The following RBFOX1 variants were observed in gnomAD, a reference collection of about 807,000 sequenced individuals.
RBFOX1 encodes the protein RNA binding fox-1 homolog 1.
Under a neutral mutation model 57.7 loss-of-function variants are expected in RBFOX1, and 8 were observed. The observed-to-expected ratio is 0.14, with a 90% confidence interval of 0.08 to 0.25. The LOEUF (loss-of-function observed/expected upper bound fraction) is 0.25, where lower values mean the gene tolerates loss of function less well. RBFOX1 is among the 10% of genes least tolerant of loss of function. The pLI is 1.00. For synonymous variants in RBFOX1, 326 were observed against 222.4 expected, an observed-to-expected ratio of 1.47 and a Z score of -4.15; for missense variants, 611 against 548.5, an observed-to-expected ratio of 1.11 and a Z score of -1.14.
chr16:6,768,781 T>C (rs1246673573), intron 3 of RBFOX1, among the ~76,000 whole-genome samples: 1 of 150,506 alleles, frequency 6.6e-6, no homozygotes, highest in Non-Finnish European at 1.5e-5. Flanking sequence ...CAGGTTGGAG[T>C]GCAATGGGGC....
chr16:5,690,843 G>A (rs1484235195), intron 3 of RBFOX1, among the ~76,000 whole-genome samples: 1 of 152,120 alleles, frequency 6.6e-6, no homozygotes, highest in Non-Finnish European at 1.5e-5. Flanking sequence ...TACTTCCATT[G>A]TTTTTACATG....
intron 2 of RBFOX1, among the ~76,000 whole-genome samples, chr16:5,546,097 A>G (rs1242732030): frequency 6.6e-6 from 1 of 152,196 alleles, no homozygotes; most frequent in African/African-American, 2.4e-5. Context: ...AATAAGGAAT[A>G]CATAGGGATA....
intron 4 of RBFOX1, among the ~76,000 whole-genome samples, chr16:7,284,708 A>G (rs1427208391): frequency 6.6e-6 from 1 of 152,146 alleles, no homozygotes; most frequent in African/African-American, 2.4e-5. Context: ...CCTGGATCTG[A>G]TACTTCCTAG....
intron 3 of RBFOX1, among the ~76,000 whole-genome samples, chr16:6,690,953 C>T (rs971011267): frequency 3.3e-5 from 5 of 152,002 alleles, no homozygotes; most frequent in African/African-American, 1.2e-4. Context: ...ATGAGGTTGG[C>T]TGGGCATCAT....
intron 4 of RBFOX1, among the ~76,000 whole-genome samples, chr16:5,943,352 C>A (rs917573636): frequency 6.6e-6 from 1 of 152,204 alleles, no homozygotes; most frequent in Non-Finnish European, 1.5e-5. Context: ...AATCATGGGG[C>A]TAAACCGTTG....
intron 3 of RBFOX1, among the ~76,000 whole-genome samples, chr16:6,869,219 A>G (rs2060453937): frequency 1.3e-5 from 2 of 152,154 alleles, no homozygotes; most frequent in South Asian, 4.1e-4. Flanking sequence ...ATTATCAGCA[A>G]CACTTGCTGA....
intron 3 of RBFOX1, among the ~76,000 whole-genome samples, chr16:6,904,155 A>G (rs993602324): frequency 6.6e-6 from 1 of 152,210 alleles, no homozygotes; most frequent in Non-Finnish European, 1.5e-5. Context: ...TAAAGGAGAA[A>G]TGAAAGCTCT....
intron 3 of RBFOX1, among the ~76,000 whole-genome samples, chr16:6,694,270 G>T (rs989276194): frequency 6.6e-6 from 1 of 152,120 alleles, no homozygotes; most frequent in Non-Finnish European, 1.5e-5. Context: ...AGAGGAGGTT[G>T]GTGTGTGAGT....
At chr16:6,884,035 A>G (rs1461075445) in intron 3 of RBFOX1, among the ~76,000 whole-genome samples, 2 of 152,152 alleles carry the variant, frequency 1.3e-5, no homozygotes, top group Non-Finnish European at 2.9e-5. Context: ...TTCTTCTGAC[A>G]AACTGATCCT....
intron 4 of RBFOX1, among the ~76,000 whole-genome samples, chr16:7,092,196 C>A (rs1551961): frequency 6.6e-6 from 1 of 151,996 alleles, no homozygotes; most frequent in African/African-American, 2.4e-5. Context: ...ACAAGGTATA[C>A]CACTGTTTTA....
rs542898195 is a variant in RBFOX1, at chr16:7,599,638, C to CTTTTTTTTTTTTTTTTTTT, written c.622+2219_622+2220insTTTTTTTTTTTTTTTTTTT. Among the ~76,000 whole-genome samples, 3 of 62,804 alleles carry CTTTTTTTTTTTTTTTTTTT rather than the reference C, an allele frequency of 4.8e-5. 1 individual carries two copies. The highest frequency in any genetic ancestry group is 4.9e-5 in the African/African-American group (1 of 20,312). 41.2% of individuals were successfully genotyped at this position (62,804 alleles called of 152,430 possible). On this transcript the variant is annotated intron_variant, in intron 9 of 15. Transcript: ENST00000550418. ...GAGAAGATGAAGAAATTAATAAAGA[C>CTTTTTTTTTTTTTTTTTTT]TTTTTTTTTTTTCTTTTTTTTTTTT...
At chr16:6,737,360 G>A in intron 3 of RBFOX1, among the ~76,000 whole-genome samples, 1 of 142,888 alleles carries the variant, frequency 7.0e-6, no homozygotes, top group South Asian at 2.4e-4. Flanking sequence ...TTTATCTGTT[G>A]TTTAATTATC....
At chr16:5,755,838 T>G (rs1282699506) in intron 3 of RBFOX1, among the ~76,000 whole-genome samples, 1 of 152,108 alleles carries the variant, frequency 6.6e-6, no homozygotes. Flanking sequence ...CCTCAGGTGA[T>G]CCGCCTGCCT....
chr16:6,704,019 C>G (rs1412412036), intron 3 of RBFOX1: 3 of 152,536 alleles, frequency 2.0e-5, no homozygotes, highest in African/African-American at 7.2e-5. Context: ...CTGACTTCTA[C>G]TTCCTTGCTC....
At chr16:5,315,287 T>G (rs550872778) in intron 1 of RBFOX1, among the ~76,000 whole-genome samples, 2 of 152,318 alleles carry the variant, frequency 1.3e-5, no homozygotes, top group African/African-American at 4.8e-5. Context: ...TGAAATGTCT[T>G]AAGTCAAAAT....
chr16:6,011,580 A>C (rs1567255037), intron 4 of RBFOX1, among the ~76,000 whole-genome samples: 1 of 152,202 alleles, frequency 6.6e-6, no homozygotes. Flanking sequence ...GTTAAAGGTC[A>C]TGTCTCAGGC....
In RBFOX1 at chr16:6,453,543, C is replaced by T. The variant is rs535652609; in HGVS notation, c.-64+136486C>T. ...CTGAAATTGAGGCAGTAATTAATAG[C>T]CTACCAACCAAAAAAAAGCCCAGGA... is the stretch of plus-strand genomic sequence containing the variant. On this transcript the variant is annotated intron_variant, in intron 2 of 15. Transcript: ENST00000550418. Among the ~76,000 whole-genome samples, 6 of 152,148 alleles carry T rather than the reference C, an allele frequency of 3.9e-5. No individual in the cohort carries two copies. The South Asian group carries it at 1.2e-3, about 32-fold the overall frequency.
At chr16:6,189,742 C>T (rs764964663) in intron 1 of RBFOX1, among the ~76,000 whole-genome samples, 7 of 152,196 alleles carry the variant, frequency 4.6e-5, no homozygotes, top group Non-Finnish European at 1.0e-4. Context: ...GTACATTCCA[C>T]TAAACAAGTA....
chr16:6,381,510 G>C (rs1425208723), intron 2 of RBFOX1, among the ~76,000 whole-genome samples: 1 of 152,226 alleles, frequency 6.6e-6, no homozygotes, highest in Non-Finnish European at 1.5e-5. Flanking sequence ...TATCTTTGGA[G>C]TTTGTGTGAC....
Sources: gnomAD v4.1 joint callset for allele counts (sites outside exome capture counted in the v4.1 genomes callset) on GRCh38, gnomAD v4.1.1 for gene constraint, MANE v1.5 for transcripts, NCBI Gene and HGNC (gene_info 2026-07-23, HGNC 2026-07-21) for gene names.